Variants in SGCZ observed in about 807,000 individuals in gnomAD.
The protein encoded by SGCZ is sarcoglycan zeta.
A neutral mutation model predicts 41.3 loss-of-function variants in SGCZ; 40 were observed. That is an observed-to-expected ratio of 0.97 (90% CI 0.75 to 1.26). The LOEUF (loss-of-function observed/expected upper bound fraction) is 1.26. Among genes scored for constraint, SGCZ ranks in the 50% most tolerant of loss-of-function variants. The pLI, the probability that SGCZ is intolerant of heterozygous loss-of-function variation, is 0.00. For synonymous variants in SGCZ, 206 were observed against 137.5 expected (o/e 1.50, Z -3.49); for missense variants, 552 against 369.8 (o/e 1.49, Z -4.04).
At chr8:14,810,993 G>A (rs1801721313) in intron 1 of SGCZ, among the ~76,000 whole-genome samples, 1 of 151,946 alleles carries the variant, frequency 6.6e-6, no homozygotes. Flanking sequence ...AAATTTTGAT[G>A]TACAACATTT....
At chr8:14,437,082 T>C (rs1187768662) in intron 2 of SGCZ, among the ~76,000 whole-genome samples, 1 of 152,148 alleles carries the variant, frequency 6.6e-6, no homozygotes, top group Non-Finnish European at 1.5e-5. Flanking sequence ...GATATTAGCA[T>C]GTGATTTTTA....
intron 1 of SGCZ, among the ~76,000 whole-genome samples, chr8:14,706,215 A>T (rs1490987921): frequency 6.6e-6 from 1 of 151,988 alleles, no homozygotes; most frequent in Non-Finnish European, 1.5e-5. Flanking sequence ...AATTAAAAAA[A>T]ATTAGATGAA....
At chr8:14,689,008 T>TA (rs900317555) in intron 1 of SGCZ, among the ~76,000 whole-genome samples, 3 of 152,156 alleles carry the variant, frequency 2.0e-5, no homozygotes, top group South Asian at 2.1e-4. Flanking sequence ...AAAATATATT[T>TA]AAAAAAAATT....
chr8:15,217,896 T>C (rs1356808960), intron 1 of SGCZ, among the ~76,000 whole-genome samples: 1 of 152,156 alleles, frequency 6.6e-6, no homozygotes, highest in African/African-American at 2.4e-5. Context: ...GAGACCAGGC[T>C]GGCCAAATGG....
At chr8:15,198,058 T>C (rs953603666) in intron 1 of SGCZ, among the ~76,000 whole-genome samples, 17 of 148,720 alleles carry the variant, frequency 1.1e-4, no homozygotes, top group African/African-American at 4.2e-4. Context: ...ATATATTACA[T>C]TATATATGTA....
At chr8:14,666,640 T>G (rs982527487) in intron 1 of SGCZ, among the ~76,000 whole-genome samples, 2 of 145,954 alleles carry the variant, frequency 1.4e-5, no homozygotes, top group Non-Finnish European at 1.5e-5. Context: ...ATTTTCTCAG[T>G]ACCCTAATAG....
chr8:14,265,355 T>G (rs1298619313), intron 3 of SGCZ, among the ~76,000 whole-genome samples: 1 of 152,194 alleles, frequency 6.6e-6, no homozygotes, highest in Non-Finnish European at 1.5e-5. Context: ...GCATTCTGAT[T>G]TTAGTAGTTC....
At chr8:14,957,980 T>C (rs1355072951) in intron 1 of SGCZ, among the ~76,000 whole-genome samples, 2 of 152,028 alleles carry the variant, frequency 1.3e-5, no homozygotes, top group Admixed American at 1.3e-4. Flanking sequence ...TAATTTAAAG[T>C]ACTGAATCCT....
At chr8:14,783,754 A>C (rs1177599571) in intron 1 of SGCZ, among the ~76,000 whole-genome samples, 2 of 152,094 alleles carry the variant, frequency 1.3e-5, no homozygotes, top group African/African-American at 4.8e-5. Flanking sequence ...GCTTTTAGTC[A>C]TTTGGAAATA....
intron 2 of SGCZ, among the ~76,000 whole-genome samples, chr8:14,325,087 T>A (rs1268697817): frequency 1.3e-5 from 2 of 152,142 alleles, no homozygotes; most frequent in African/African-American, 4.8e-5. Flanking sequence ...GAGAATGTAC[T>A]TAAGTCAGAT....
intron 1 of SGCZ, among the ~76,000 whole-genome samples, chr8:14,946,318 T>G (rs2130828193): frequency 6.6e-6 from 1 of 151,598 alleles, no homozygotes; most frequent in African/African-American, 2.4e-5. Context: ...TCTCATAGGC[T>G]GCTAGTCTCG....
chr8:14,610,740 A>G (rs1805901089), intron 1 of SGCZ, among the ~76,000 whole-genome samples: 2 of 152,208 alleles, frequency 1.3e-5, no homozygotes, highest in Admixed American at 6.6e-5. Flanking sequence ...GACATAACAC[A>G]CAGACACTGC....
chr8:14,813,314 T>A (rs1391841492), intron 1 of SGCZ, among the ~76,000 whole-genome samples: 1 of 152,148 alleles, frequency 6.6e-6, no homozygotes, highest in East Asian at 1.9e-4. Context: ...TAATCTCTAT[T>A]TTAAGAGTTA....
chr8:14,213,101 A>G (rs1202012662), intron 4 of SGCZ, among the ~76,000 whole-genome samples: 2 of 152,136 alleles, frequency 1.3e-5, no homozygotes, highest in African/African-American at 4.8e-5. Context: ...TGTGTAATCA[A>G]AATTACAGAA....
intron 3 of SGCZ, among the ~76,000 whole-genome samples, chr8:14,284,610 T>C (rs1160252593): frequency 6.6e-6 from 1 of 152,234 alleles, no homozygotes; most frequent in Non-Finnish European, 1.5e-5. Flanking sequence ...ACATTTAATA[T>C]TGCTTTTGAT....
intron 1 of SGCZ, among the ~76,000 whole-genome samples, chr8:14,933,363 C>A (rs531720416): frequency 2.0e-5 from 3 of 151,354 alleles, no homozygotes; most frequent in Non-Finnish European, 4.4e-5. Context: ...GACATGAGCT[C>A]TCTGCAAAAA....
At chr8:14,171,424 A>G (rs549960782) in intron 4 of SGCZ, among the ~76,000 whole-genome samples, 3 of 152,142 alleles carry the variant, frequency 2.0e-5, no homozygotes, top group South Asian at 2.1e-4. Flanking sequence ...TATATGTAAC[A>G]TAACTTGTTT....
chr8:15,019,153 A>G (rs1362453058), intron 1 of SGCZ, among the ~76,000 whole-genome samples: 2 of 152,218 alleles, frequency 1.3e-5, no homozygotes, highest in Non-Finnish European at 2.9e-5. Context: ...AGATTTGGGC[A>G]GGGAAACAGA....
intron 3 of SGCZ, among the ~76,000 whole-genome samples, chr8:14,304,820 C>T (rs1801300116): frequency 6.6e-6 from 1 of 151,938 alleles, no homozygotes; most frequent in Non-Finnish European, 1.5e-5. Flanking sequence ...AATGGTAATT[C>T]CAGAAATAGC....
Sources: allele counts gnomAD v4.1 joint callset (sites outside exome capture counted in the v4.1 genomes callset), GRCh38; gene constraint gnomAD v4.1.1; transcripts MANE v1.5; gene names NCBI Gene and HGNC (gene_info 2026-07-23, HGNC 2026-07-21).